The following FBN2 variants were observed in gnomAD, a reference collection of about 807,000 sequenced individuals.
FBN2 encodes fibrillin-2.
Under a neutral mutation model 355.6 loss-of-function variants are expected in FBN2, and 105 were observed. That is an observed-to-expected ratio of 0.30 (90% CI 0.25 to 0.35). The LOEUF is 0.35. Among genes scored for constraint, FBN2 ranks in the 10% least tolerant of loss-of-function variants. The pLI is 1.00. For synonymous variants in FBN2, 1,350 were observed against 1,301.2 expected, an observed-to-expected ratio of 1.04 and a Z score of -0.81; for missense variants, 3,280 against 3,758.7, an observed-to-expected ratio of 0.87 and a Z score of 3.33.
intron 30 of FBN2, 27 bp downstream of exon 30, chr5:128,335,143 A>T: frequency 5.6e-6 from 9 of 1,613,848 alleles, no homozygotes; most frequent in Non-Finnish European, 7.6e-6. Flanking sequence ...GTGTGTATAA[A>T]TGTTTATCCT....
chr5:128,286,530 A>G (rs1749149265), intron 55 of FBN2, among the ~76,000 whole-genome samples, 188 bp downstream of exon 55: 1 of 152,278 alleles, frequency 6.6e-6, no homozygotes, highest in Non-Finnish European at 1.5e-5. Context: ...TTGAGCAGGC[A>G]TAAATGCCAC....
intron 7 of FBN2, among the ~76,000 whole-genome samples, chr5:128,417,743 C>T (rs1351411553): frequency 2.0e-5 from 3 of 152,090 alleles, no homozygotes; most frequent in Non-Finnish European, 4.4e-5. Flanking sequence ...CTGTTGGATT[C>T]AGTTTGCTAC....
Position 128,268,071 on chromosome 5 carries a change from C to CA in FBN2, c.7960+3927dup, listed in dbSNP as rs58489656. 8.6e-3 allele frequency among the ~76,000 whole-genome samples: 1,313 copies of CA among 152,006 alleles called. 30 individuals carry two copies. The highest frequency in any genetic ancestry group is 0.03 in the African/African-American group (1,256 of 41,488). On this transcript the variant is annotated intron_variant, in intron 62 of 64. Transcript: ENST00000262464. ...AGAGATAGAGACATGAAAAACCCTC[C>CA]AAAAAATCAATGAATCCAGGAGCTG... is the stretch of plus-strand genomic sequence containing the variant.
At chr5:128,368,536 A>C (rs534895123) in intron 16 of FBN2, among the ~76,000 whole-genome samples, 1 of 149,648 alleles carries the variant, frequency 6.7e-6, no homozygotes. Flanking sequence ...TGTTGTGTTT[A>C]TAACCTTGAA....
intron 6 of FBN2, among the ~76,000 whole-genome samples, chr5:128,462,925 T>C (rs1300854928): frequency 1.3e-5 from 2 of 152,158 alleles, no homozygotes; most frequent in East Asian, 3.8e-4. Context: ...GGCACTGTTC[T>C]AGATGTCTGA....
In FBN2 at chr5:128,378,861, T is replaced by C; in HGVS notation, c.1633A>G (p.Thr545Ala). Reference sequence around the variant, plus strand: ...GGTGTGTTAACACAATCTCCATTAGTGCAGGGATTTGATGTGCATTCATCA... The same window carrying C: ...GGTGTGTTAACACAATCTCCATTAGCGCAGGGATTTGATGTGCATTCATCA... ...DVDECTSNPCTNGDCVNTPGS... is the reference protein window; with the variant it reads ...DVDECTSNPCANGDCVNTPGS... Residue 545 changes from threonine to alanine, a missense_variant, in exon 12 of 65, where the codon ACT becomes GCT. By Grantham distance (58) the Thr-to-Ala change is moderately conservative. This residue lies in a region of FBN2 where 2,284 missense variants were observed against 2,749.5 expected (regional missense o/e 0.83). Coordinates refer to ENST00000262464, the MANE Select transcript of FBN2 (RefSeq NM_001999.4). The C allele has an allele frequency of 1.2e-6, 2 of 1,613,168 alleles. No homozygotes were observed. Among genetic ancestry groups the C allele is most frequent in the Non-Finnish European group, 1.7e-6 (2 of 1,179,306 alleles).
At chr5:128,282,115 AT>A (rs543373359) in intron 55 of FBN2, among the ~76,000 whole-genome samples, 70 of 152,280 alleles carry the variant, frequency 4.6e-4, no homozygotes, top group African/African-American at 1.7e-3. Flanking sequence ...TGCTTTCAAA[AT>A]ACAGCTCCTT....
chr5:128,300,227 T>G (rs887078214), intron 48 of FBN2, among the ~76,000 whole-genome samples: 75 of 152,232 alleles, frequency 4.9e-4, no homozygotes, highest in African/African-American at 1.8e-3. Context: ...ATAATTTGTA[T>G]AAAAGTGAAA....
chr5:128,399,862 G>A (rs924523135), intron 8 of FBN2, among the ~76,000 whole-genome samples: 2 of 151,804 alleles, frequency 1.3e-5, no homozygotes, highest in African/African-American at 4.8e-5. Context: ...GCAGCAGGTC[G>A]GGGGGATCCT....
intron 7 of FBN2, among the ~76,000 whole-genome samples, chr5:128,411,371 T>C (rs1271458738): frequency 6.6e-6 from 1 of 152,186 alleles, no homozygotes; most frequent in Non-Finnish European, 1.5e-5. Flanking sequence ...GTGAATGAAT[T>C]GAAGGATGGT....
intron 3 of FBN2, among the ~76,000 whole-genome samples, chr5:128,530,344 G>A (rs748234572): frequency 7.2e-5 from 11 of 152,194 alleles, no homozygotes; most frequent in Admixed American, 4.6e-4. Flanking sequence ...ACAGTCTAGT[G>A]TTTGAGACTA....
At chr5:128,532,910 T>C (rs753694916) in intron 2 of FBN2, among the ~76,000 whole-genome samples, 2 of 152,170 alleles carry the variant, frequency 1.3e-5, no homozygotes, top group African/African-American at 2.4e-5. Context: ...CACATTGGCA[T>C]GTGCCCATAG....
intron 5 of FBN2, among the ~76,000 whole-genome samples, chr5:128,492,290 C>G (rs1328717809): frequency 1.3e-5 from 2 of 152,174 alleles, no homozygotes; most frequent in Admixed American, 1.3e-4. Context: ...AACACCCAGT[C>G]CCAAGAATCA....
chr5:128,337,647 G>A (rs1324296578), intron 27 of FBN2, among the ~76,000 whole-genome samples: 4 of 152,210 alleles, frequency 2.6e-5, no homozygotes, highest in Admixed American at 6.5e-5. Context: ...GGAGTCTGCC[G>A]AGTGGATGGG....
chr5:128,450,447 AG>A (rs1754207428), intron 6 of FBN2, among the ~76,000 whole-genome samples: 1 of 152,182 alleles, frequency 6.6e-6, no homozygotes, highest in South Asian at 2.1e-4. Context: ...CACAGGTCAA[AG>A]AAAAAAAATC....
chr5:128,468,397 A>G (rs947913632), intron 5 of FBN2, among the ~76,000 whole-genome samples: 1 of 152,218 alleles, frequency 6.6e-6, no homozygotes, highest in Admixed American at 6.5e-5. Context: ...GAACATCTGC[A>G]TGAAAGTCTT....
At chr5:128,312,906 AG>A in intron 36 of FBN2, 111 bp from the exon 37 acceptor site, 1 of 1,220,210 alleles carries the variant, frequency 8.2e-7, no homozygotes, top group Non-Finnish European at 1.2e-6. Context: ...TTAACATGAA[AG>A]GTTCCTTTTA....
intron 36 of FBN2, 32 bp downstream of exon 36, chr5:128,318,117 T>G: frequency 6.2e-7 from 1 of 1,610,476 alleles, no homozygotes; most frequent in Non-Finnish European, 8.5e-7. Context: ...ACTTGATAAT[T>G]CTATTTGTTT....
At chr5:128,450,729 C>G (rs1000729627) in intron 6 of FBN2, among the ~76,000 whole-genome samples, 1 of 151,684 alleles carries the variant, frequency 6.6e-6, no homozygotes, top group Admixed American at 6.6e-5. Context: ...ACTATAAAAC[C>G]TGGCTTTTGG....
Sources: allele counts gnomAD v4.1 joint callset (sites outside exome capture counted in the v4.1 genomes callset), GRCh38; gene constraint gnomAD v4.1.1; regional missense constraint gnomAD v4.1.1; transcripts MANE v1.5; gene names NCBI Gene and HGNC (gene_info 2026-07-23, HGNC 2026-07-21).